IMMT: variants seen among roughly 807,000 people sequenced by gnomAD.
The protein encoded by IMMT is inner membrane mitochondrial protein.
IMMT carries 40 observed loss-of-function variants against 92.7 expected under a neutral mutation model. The ratio of observed to expected loss-of-function variants is 0.43; its 90% CI spans 0.34 to 0.56. IMMT has a LOEUF of 0.56. IMMT is among the 20% of genes least tolerant of loss of function. IMMT has a pLI of 0.03. For missense variants in IMMT, 831 were observed against 912.1 expected (o/e 0.91, Z 1.14); for synonymous variants, 322 against 336.1 (o/e 0.96, Z 0.46).
At chr2:86,191,161 T>C (rs1373526368) in intron 1 of IMMT, among the ~76,000 whole-genome samples, 1 of 151,262 alleles carries the variant, frequency 6.6e-6, no homozygotes, top group African/African-American at 2.4e-5. Flanking sequence ...GCCTGGGTAA[T>C]ATAGCCTGTC....
chr2:86,170,019 A>G (rs1676974263), intron 6 of IMMT, among the ~76,000 whole-genome samples: 1 of 152,254 alleles, frequency 6.6e-6, no homozygotes, highest in African/African-American at 2.4e-5. Flanking sequence ...GAGAGTCCAG[A>G]GGCTAGATGA....
chr2:86,169,833 C>A (rs1040565851), intron 6 of IMMT, among the ~76,000 whole-genome samples: 1 of 151,976 alleles, frequency 6.6e-6, no homozygotes, highest in Non-Finnish European at 1.5e-5. Context: ...GGGAGGATTT[C>A]TTGAGGCCAA....
At chr2:86,156,527 G>A (rs976537615) in intron 10 of IMMT, among the ~76,000 whole-genome samples, 2 of 149,838 alleles carry the variant, frequency 1.3e-5, no homozygotes, top group African/African-American at 5.0e-5. Flanking sequence ...CCATGAGGCG[G>A]AGGTTGCAGT....
At position 86,195,385 on chromosome 2, in the gene IMMT, C is replaced by A. The variant is rs1403756643; in HGVS notation, c.-3G>T. The A allele has an allele frequency of 6.5e-7, 1 of 1,548,678 alleles. No individual in the cohort carries two copies. The highest frequency in any genetic ancestry group is 1.2e-5 in the South Asian group (1 of 83,654). ...GATAACTGACAGGCCCGCAGCATCT[C>A]GGTCAAGCGGACGGCGCTGCTGGTG... On this transcript the variant is annotated 5_prime_UTR_variant, in exon 1 of 15. Transcript: ENST00000410111.
Position 86,147,814 on chromosome 2 carries a change from G to A in IMMT, c.1421C>T (p.Ala474Val). ...CTGGGTTCTCATTTCATTTTCCATG[G>A]CATCTCTGACTTCTTCTATCTGTGA... is the stretch of plus-strand genomic sequence containing the variant. Reference protein sequence around the residue: ...QDRKIEEVRDAMENEMRTQLR... With the variant: ...QDRKIEEVRDVMENEMRTQLR... The change falls in exon 13 of 15, where the codon GCC becomes GTC. Residue 474 changes from alanine to valine, a missense_variant. Coordinates refer to ENST00000410111, the MANE Select transcript of IMMT (RefSeq NM_006839.3). 4 of 1,613,660 alleles carry A rather than the reference G, an allele frequency of 2.5e-6. No individual in the cohort carries two copies. The highest frequency in any genetic ancestry group is 3.4e-6 in the Non-Finnish European group (4 of 1,179,746).
chr2:86,173,640 A>G lies in IMMT; in HGVS notation c.421+10T>C. 3 of 1,438,854 alleles carry G rather than the reference A, an allele frequency of 2.1e-6. No individual in the cohort carries two copies. Among genetic ancestry groups the G allele is most frequent in the Non-Finnish European group, 2.9e-6 (3 of 1,025,360 alleles). The allele number at this position is 1,438,854 out of a possible 1,614,324, so 89.1% of individuals were successfully genotyped here. On this transcript the variant is annotated intron_variant, in intron 4 of 14. Transcript: ENST00000410111. ...TATAATTTTAAAAAGATGGTTCAAA[A>G]TATAAGTACCTGTTGCTGAAGCTGG...
chr2:86,171,552 C>T (rs944094708), intron 4 of IMMT: 16 of 524,352 alleles, frequency 3.1e-5, no homozygotes, highest in East Asian at 1.3e-4. Flanking sequence ...TGGTTGGGAA[C>T]GAACAAAAGA....
At chr2:86,167,764 G>A (rs1483363654) in intron 6 of IMMT, among the ~76,000 whole-genome samples, 2 of 152,058 alleles carry the variant, frequency 1.3e-5, no homozygotes, top group Non-Finnish European at 2.9e-5. Context: ...TTACAGGCGT[G>A]AGCCACCGTG....
At chr2:86,148,254 A>G (rs533321000) in intron 12 of IMMT, among the ~76,000 whole-genome samples, 1 of 152,348 alleles carries the variant, frequency 6.6e-6, no homozygotes, top group African/African-American at 2.4e-5. Flanking sequence ...GAAATGATTT[A>G]TCTTCTCAAA....
At chr2:86,159,752 T>C (rs1467459525) in intron 8 of IMMT, 81 bp from the exon 9 acceptor site, 2 of 1,234,912 alleles carry the variant, frequency 1.6e-6, no homozygotes, top group South Asian at 1.9e-5. Context: ...CAGTATATAA[T>C]TGTTAAAAGT....
At chr2:86,195,301 A>C (rs1488088155) in intron 1 of IMMT, 37 bp downstream of exon 1, 2 of 1,520,840 alleles carry the variant, frequency 1.3e-6, no homozygotes, top group East Asian at 5.1e-5. Flanking sequence ...GTTCTAGTTC[A>C]GCCTCCTCAC....
intron 12 of IMMT, among the ~76,000 whole-genome samples, chr2:86,150,789 C>A (rs1305294621): frequency 6.6e-6 from 1 of 152,166 alleles, no homozygotes; most frequent in Non-Finnish European, 1.5e-5. Flanking sequence ...TGCATCTGCT[C>A]AACATAAAGG....
rs534349351 is a variant in IMMT, at chr2:86,144,551, G to A, written c.1994C>T (p.Ser665Phe). 1.9e-6 allele frequency: 3 copies of A among 1,614,040 alleles called. No homozygotes were observed. The highest frequency in any genetic ancestry group is 2.5e-6 in the Non-Finnish European group (3 of 1,179,894). Residue 665 changes from serine to phenylalanine, a missense_variant, in exon 15 of 15, where the codon TCC becomes TTC. Transcript: ENST00000410111. Reference sequence around the variant, plus strand: ...TTGCTGAGGTGGGAATAGGAGCAGGGACTGTAGGTAGGAGAGGAAGTACTG... The same window carrying A: ...TTGCTGAGGTGGGAATAGGAGCAGGAACTGTAGGTAGGAGAGGAAGTACTG... ...LYQYFLSYLQ[S>F]LLLFPPQQLK... is the part of the protein sequence containing the mutation.
chr2:86,185,338 G>T (rs1050511056), intron 1 of IMMT, among the ~76,000 whole-genome samples: 13 of 152,058 alleles, frequency 8.5e-5, no homozygotes, highest in African/African-American at 3.1e-4. Flanking sequence ...AGGATTTGGT[G>T]GGTTCAAAAA....
At chr2:86,165,860 T>C (rs997896178) in intron 7 of IMMT, among the ~76,000 whole-genome samples, 4 of 152,254 alleles carry the variant, frequency 2.6e-5, no homozygotes, top group African/African-American at 9.6e-5. Flanking sequence ...TTAAAAAGTT[T>C]ACCTATGGAA....
At chr2:86,181,608 C>G (rs1166096214) in intron 1 of IMMT, among the ~76,000 whole-genome samples, 1 of 151,892 alleles carries the variant, frequency 6.6e-6, no homozygotes, top group East Asian at 1.9e-4. Context: ...AATTATCAGA[C>G]TATGATCAAT....
chr2:86,170,199 G>A (rs1676983042), intron 6 of IMMT, among the ~76,000 whole-genome samples: 1 of 152,222 alleles, frequency 6.6e-6, no homozygotes, highest in South Asian at 2.1e-4. Context: ...AGGATCACTT[G>A]AGCCCAGGAG....
intron 1 of IMMT, among the ~76,000 whole-genome samples, chr2:86,193,307 T>C (rs898892641): frequency 6.6e-6 from 1 of 150,812 alleles, no homozygotes; most frequent in Non-Finnish European, 1.5e-5. Flanking sequence ...CTCAGGAGGC[T>C]GAGGTAAGAG....
chr2:86,149,330 A>G (rs931172116), intron 12 of IMMT, among the ~76,000 whole-genome samples: 1 of 152,240 alleles, frequency 6.6e-6, no homozygotes, highest in African/African-American at 2.4e-5. Context: ...CAGACAAAAA[A>G]TACCAGGGTG....
Sources: allele counts gnomAD v4.1 joint callset (sites outside exome capture counted in the v4.1 genomes callset), GRCh38; gene constraint gnomAD v4.1.1; transcripts MANE v1.5; gene names NCBI Gene and HGNC (gene_info 2026-07-23, HGNC 2026-07-21).